CEP41: variants seen among roughly 807,000 people sequenced by gnomAD.
The protein encoded by CEP41 is centrosomal protein 41, also known as centrosomal protein of 41 kDa.
A neutral mutation model predicts 44.3 loss-of-function variants in CEP41; 32 were observed. The ratio of observed to expected loss-of-function variants is 0.72; its 90% CI spans 0.54 to 0.97. The LOEUF (loss-of-function observed/expected upper bound fraction) is 0.97. Among genes scored for constraint, CEP41 ranks in the 50% least tolerant of loss-of-function variants. CEP41 has a pLI of 0.00. For synonymous variants in CEP41, 151 were observed against 168.5 expected (o/e 0.90, Z 0.80); for missense variants, 432 against 455.2 (o/e 0.95, Z 0.46).
In CEP41 at chr7:130,396,607, T is replaced by C. The variant is rs1007177790; in HGVS notation, c.*2284A>G. 6 of 454,422 alleles carry C rather than the reference T, an allele frequency of 1.3e-5. No individual in the cohort carries two copies. The highest frequency in any genetic ancestry group is 8.8e-6 in the Non-Finnish European group (2 of 226,796). 28.1% of individuals were successfully genotyped at this position (454,422 alleles called of 1,614,324 possible). A position where few individuals can be genotyped will look rare whatever the true frequency, so the allele number is the denominator to read the frequency against. ...TCACTGGTCATTTAAATAATACATG[T>C]CAATTAATCTAATGAAGAAACTGGC... On this transcript the variant is annotated 3_prime_UTR_variant, in exon 11 of 11. Coordinates refer to ENST00000223208, the MANE Select transcript of CEP41 (RefSeq NM_018718.3).
chr7:130,441,656 AC>A (rs1247341313), upstream of CEP41, among the ~76,000 whole-genome samples: 1 of 152,170 alleles, frequency 6.6e-6, no homozygotes, highest in Non-Finnish European at 1.5e-5. Context: ...CTTAATAAGC[AC>A]CTTATGAGAA....
chr7:130,409,759 G>T (rs1436711824), intron 5 of CEP41, among the ~76,000 whole-genome samples: 1 of 152,124 alleles, frequency 6.6e-6, no homozygotes, highest in Non-Finnish European at 1.5e-5. Context: ...CAACTAGGAG[G>T]TTTTATTTTC....
intron 4 of CEP41, among the ~76,000 whole-genome samples, chr7:130,411,746 TA>T (rs1212296525): frequency 6.6e-6 from 1 of 152,010 alleles, no homozygotes; most frequent in Admixed American, 6.6e-5. Flanking sequence ...AATTTTCAAA[TA>T]AAAGAAGAAA....
intron 8 of CEP41, chr7:130,401,105 A>G (rs1796830769): frequency 7.6e-6 from 3 of 395,332 alleles, no homozygotes; most frequent in Admixed American, 3.8e-5. Context: ...GACCCTGGAA[A>G]GTAAATATTA....
rs369493365 is a variant in CEP41, at chr7:130,395,148, G to A, written c.*3743C>T. On this transcript the variant is annotated 3_prime_UTR_variant, in exon 11 of 11. Coordinates refer to ENST00000223208, the MANE Select transcript of CEP41 (RefSeq NM_018718.3). ...TAACTGACCTGTGTATCCATTTAAAGATGTCATAATAATAATTTCAATAAT... is the reference window on the plus strand; with the variant it reads ...TAACTGACCTGTGTATCCATTTAAAAATGTCATAATAATAATTTCAATAAT... The A allele has an allele frequency of 2.2e-6, 1 of 453,938 alleles. No individual in the cohort carries two copies. The allele number at this position is 453,938 out of a possible 1,614,324, so 28.1% of individuals were successfully genotyped here. A position where few individuals can be genotyped will look rare whatever the true frequency, so the allele number is the denominator to read the frequency against.
intron 1 of CEP41, among the ~76,000 whole-genome samples, chr7:130,437,777 A>AAAGAAAAAAAAAAAAAAAAAG (rs533939492): frequency 1.4e-5 from 2 of 138,640 alleles, no homozygotes; most frequent in Non-Finnish European, 3.1e-5. Flanking sequence ...AAAAAAAAAA[A>AAAGAAAAAAAAAAAAAAAAAG]AAAAAAAAAA....
intron 2 of CEP41, among the ~76,000 whole-genome samples, chr7:130,424,656 G>GT (rs1797607181): frequency 6.6e-6 from 1 of 151,904 alleles, no homozygotes; most frequent in South Asian, 2.1e-4. Context: ...TTGAATATCC[G>GT]TAAGCAAAAA....
chr7:130,435,112 G>A (rs1554425898), intron 1 of CEP41, among the ~76,000 whole-genome samples: 3 of 152,104 alleles, frequency 2.0e-5, no homozygotes, highest in Non-Finnish European at 4.4e-5. Flanking sequence ...TAACATTTAT[G>A]TAAAACAAAA....
chr7:130,400,874 T>C (rs1562977516), intron 8 of CEP41, 53 bp from the exon 9 acceptor site: 3 of 1,159,290 alleles, frequency 2.6e-6, no homozygotes, highest in East Asian at 4.9e-5. Flanking sequence ...GTCCCAAGAC[T>C]ACGAGAAACC....
chr7:130,400,569 C>G (rs923758589), intron 9 of CEP41, 138 bp downstream of exon 9: 5 of 718,132 alleles, frequency 7.0e-6, no homozygotes, highest in African/African-American at 3.5e-5. Context: ...TCACATAACT[C>G]CTGACTCCTT....
At chr7:130,415,650 A>C (rs897015688) in intron 3 of CEP41, among the ~76,000 whole-genome samples, 2 of 152,186 alleles carry the variant, frequency 1.3e-5, no homozygotes, top group East Asian at 3.8e-4. Context: ...GGACATTTTT[A>C]TGGGACAAAT....
At position 130,396,223 on chromosome 7, in the gene CEP41, C is replaced by T. The variant is rs1420814956; in HGVS notation, c.*2668G>A. ...TACATCGATGAAGCACCTTCTGTCT[C>T]AGGGTTCACAAGCCCCAGACAAGGG... On this transcript the variant is annotated 3_prime_UTR_variant, in exon 11 of 11. Coordinates refer to ENST00000223208, the MANE Select transcript of CEP41 (RefSeq NM_018718.3). 4 of 453,984 alleles carry T rather than the reference C, an allele frequency of 8.8e-6. No homozygotes were observed. Among genetic ancestry groups the T allele is most frequent in the Admixed American group, 7.0e-5 (3 of 42,554 alleles). The allele number at this position is 453,984 out of a possible 1,614,324, so 28.1% of individuals were successfully genotyped here.
At chr7:130,432,588 C>CAAAAAAAA (rs56874452) in intron 1 of CEP41, among the ~76,000 whole-genome samples, 1 of 59,930 alleles carries the variant, frequency 1.7e-5, no homozygotes, top group Non-Finnish European at 3.2e-5. Context: ...TTTGTTTCCA[C>CAAAAAAAA]AAAAAAAAAA....
chr7:130,418,296 T>C (rs1027349445), intron 2 of CEP41, among the ~76,000 whole-genome samples: 42 of 152,158 alleles, frequency 2.8e-4, no homozygotes, highest in African/African-American at 1.0e-3. Context: ...TAGAACCAAA[T>C]ACAGTCTTTC....
intron 2 of CEP41, among the ~76,000 whole-genome samples, chr7:130,425,184 G>T (rs964986275): frequency 1.3e-5 from 2 of 152,172 alleles, no homozygotes; most frequent in African/African-American, 4.8e-5. Flanking sequence ...CCCAGCCAAG[G>T]CGGGTGGATC....
rs1554414053 is a variant in CEP41, at chr7:130,395,333, T to A, written c.*3558A>T. The A allele has an allele frequency of 8.8e-6, 4 of 453,384 alleles. No homozygotes were observed. In the Admixed American group the frequency reaches 9.4e-5, roughly 11 times the overall value. The allele number at this position is 453,384 out of a possible 1,614,324, so 28.1% of individuals were successfully genotyped here. Reference sequence around the variant, plus strand: ...TGCTCACATAATTAAACTGGTGAATTATATTCCACACATTTGCGGTGTTTC... The same window carrying A: ...TGCTCACATAATTAAACTGGTGAATAATATTCCACACATTTGCGGTGTTTC... On this transcript the variant is annotated 3_prime_UTR_variant, in exon 11 of 11. Transcript: ENST00000223208.
chr7:130,437,764 C>CAAAAA (rs1171735164), intron 1 of CEP41, among the ~76,000 whole-genome samples: 28 of 32,342 alleles, frequency 8.7e-4, no homozygotes, highest in Admixed American at 1.7e-3. Context: ...AAGACTGTCT[C>CAAAAA]AAAAAAAAAA....
chr7:130,424,497 T>C (rs1371088056), intron 2 of CEP41, among the ~76,000 whole-genome samples: 5 of 151,964 alleles, frequency 3.3e-5, no homozygotes, highest in East Asian at 1.9e-4. Flanking sequence ...TATTAGGATA[T>C]TGGCAGAAGG....
intron 2 of CEP41, chr7:130,419,914 T>A: frequency 1.0e-6 from 1 of 985,202 alleles, no homozygotes. Context: ...TTACCTACCT[T>A]ACTAGACAGA....
Sources: gnomAD v4.1 joint callset for allele counts (sites outside exome capture counted in the v4.1 genomes callset) on GRCh38, gnomAD v4.1.1 for gene constraint, MANE v1.5 for transcripts, NCBI Gene and HGNC (gene_info 2026-07-23, HGNC 2026-07-21) for gene names.